Variants in LRBA observed in about 807,000 individuals in gnomAD.
The protein encoded by LRBA is LPS responsive beige-like anchor protein, also known as lipopolysaccharide-responsive and beige-like anchor protein.
LRBA carries 176 observed loss-of-function variants against 330.0 expected under a neutral mutation model. The ratio of observed to expected loss-of-function variants is 0.53; its 90% confidence interval spans 0.47 to 0.60. The LOEUF is 0.60. LRBA is among the 20% of genes least tolerant of loss of function. The pLI is 0.00. For synonymous variants in LRBA, 1,230 were observed against 1,193.0 expected (o/e 1.03, Z -0.64); for missense variants, 3,259 against 3,444.8 (o/e 0.95, Z 1.35).
intron 40 of LRBA, among the ~76,000 whole-genome samples, chr4:150,560,166 GA>G (rs1185616498): frequency 2.0e-5 from 3 of 150,592 alleles, no homozygotes; most frequent in Non-Finnish European, 3.0e-5. Flanking sequence ...AAATGGCTCA[GA>G]AAAAAAGTGG....
chr4:150,623,363 T>G (rs1234341850), intron 37 of LRBA, among the ~76,000 whole-genome samples: 2 of 151,914 alleles, frequency 1.3e-5, no homozygotes, highest in African/African-American at 4.8e-5. Flanking sequence ...CACCTCTAAA[T>G]AAAGAAAAAT....
chr4:150,620,668 A>T (rs1286604646), intron 37 of LRBA, among the ~76,000 whole-genome samples: 2 of 152,216 alleles, frequency 1.3e-5, no homozygotes, highest in Non-Finnish European at 2.9e-5. Flanking sequence ...ACTTGGATGG[A>T]GGTGTAGGCC....
chr4:150,514,143 G>T (rs936422499), intron 40 of LRBA, among the ~76,000 whole-genome samples: 5 of 152,168 alleles, frequency 3.3e-5, no homozygotes, highest in Non-Finnish European at 7.3e-5. Flanking sequence ...CATGATCCTG[G>T]CTCACTGCAA....
In LRBA at chr4:150,277,952, C is replaced by T. The variant is rs779471900; in HGVS notation, c.8369G>A (p.Gly2790Glu). ...CGACACCTGCCGGACCACGACCACTCCTCTGTCTCCTCCTGTGAGCAGGTA... is the reference window on the plus strand; with the variant it reads ...CGACACCTGCCGGACCACGACCACTTCTCTGTCTCCTCCTGTGAGCAGGTA... Reference protein sequence around the residue: ...GQYLLTGGDRGVVVVRQVSDL... With the variant: ...GQYLLTGGDREVVVVRQVSDL... The change falls in exon 56 of 57, where the codon GGA (glycine) becomes GAA (glutamate). Residue 2790 changes from glycine (G) to glutamate (E), a missense_variant. Transcript: ENST00000651943. 6.2e-7 allele frequency: 1 copy of T among 1,614,186 alleles called. No individual in the cohort carries two copies. The highest frequency in any genetic ancestry group is 1.1e-5 in the South Asian group (1 of 91,082).
Position 150,325,910 on chromosome 4 carries a change from A to C in LRBA, c.7363-12T>G. 1.9e-6 allele frequency: 3 copies of C among 1,545,304 alleles called. No homozygotes were observed. Among genetic ancestry groups the C allele is most frequent in the Non-Finnish European group, 2.7e-6 (3 of 1,118,286 alleles). ...TGAGCTTCAACAGCCTGAAAAGGGC[A>C]GGGGCAAGTCTGAAGGTTAAGAGGT... On this transcript the variant is annotated splice_polypyrimidine_tract_variant and intron_variant, in intron 48 of 56. Coordinates refer to ENST00000651943, the MANE Select transcript of LRBA (RefSeq NM_001364905.1).
At chr4:151,009,954 T>C (rs531723599) in intron 2 of LRBA, among the ~76,000 whole-genome samples, 2 of 151,902 alleles carry the variant, frequency 1.3e-5, no homozygotes, top group East Asian at 1.9e-4. Context: ...CACTCCAGCA[T>C]GGGGGACAGA....
Position 150,921,251 on chromosome 4 carries a change from G to C in LRBA, c.592C>G (p.Pro198Ala). Residue 198 changes from proline (P) to alanine (A), a missense_variant, in exon 5 of 57, where the codon CCT (proline) becomes GCT (alanine). Pro to Ala is a conservative substitution (Grantham distance 27, BLOSUM62 -1). Coordinates refer to ENST00000651943, the MANE Select transcript of LRBA (RefSeq NM_001364905.1). ...GKLLSVLKHMPQKYGPDAFFN... is the reference protein window; with the variant it reads ...GKLLSVLKHMAQKYGPDAFFN... Reference sequence around the variant, plus strand: ...AAGGCATCAGGACCATACTTCTGAGGCATATGCTTTAACACAGACAGCAAC... The same window carrying C: ...AAGGCATCAGGACCATACTTCTGAGCCATATGCTTTAACACAGACAGCAAC... The C allele has an allele frequency of 6.2e-7, 1 of 1,613,352 alleles. No individual in the cohort carries two copies. Among genetic ancestry groups the C allele is most frequent in the Non-Finnish European group, 8.5e-7 (1 of 1,179,420 alleles).
At chr4:150,907,943 GA>G (rs1189714930) in intron 11 of LRBA, among the ~76,000 whole-genome samples, 1 of 151,840 alleles carries the variant, frequency 6.6e-6, no homozygotes, top group Non-Finnish European at 1.5e-5. Context: ...ATTAAAATAT[GA>G]AAAGTTAAGT....
intron 52 of LRBA, 40 bp downstream of exon 52, chr4:150,310,189 T>C (rs752521834): frequency 5.0e-6 from 7 of 1,388,140 alleles, no homozygotes; most frequent in Non-Finnish European, 7.2e-6. Flanking sequence ...ATACTACTTA[T>C]AGTAAACTTT....
intron 40 of LRBA, among the ~76,000 whole-genome samples, chr4:150,543,282 G>A (rs1217856175): frequency 2.0e-5 from 3 of 152,124 alleles, no homozygotes; most frequent in African/African-American, 7.2e-5. Context: ...CCAAGAGGGA[G>A]CTTGCACTAG....
At chr4:150,901,181 C>T (rs1404329018) in intron 13 of LRBA, among the ~76,000 whole-genome samples, 1 of 152,080 alleles carries the variant, frequency 6.6e-6, no homozygotes, top group Non-Finnish European at 1.5e-5. Context: ...CACCTGTAGT[C>T]CCAGGTACTC....
At chr4:150,403,913 T>C (rs927100391) in intron 47 of LRBA, among the ~76,000 whole-genome samples, 1 of 152,002 alleles carries the variant, frequency 6.6e-6, no homozygotes, top group African/African-American at 2.4e-5. Context: ...GTGCCTGTAG[T>C]CCCAGCTACT....
chr4:150,498,958 G>A (rs954813087), intron 40 of LRBA, among the ~76,000 whole-genome samples: 8 of 152,034 alleles, frequency 5.3e-5, no homozygotes, highest in Admixed American at 5.2e-4. Flanking sequence ...GCCTTGAGAA[G>A]ATAATCATTA....
chr4:150,652,903 C>G (rs1339950044), intron 37 of LRBA, among the ~76,000 whole-genome samples: 1 of 152,192 alleles, frequency 6.6e-6, no homozygotes, highest in Non-Finnish European at 1.5e-5. Context: ...TAGGTACTGT[C>G]AGCTTTGTCT....
chr4:150,581,369 T>A (rs1236211753), intron 40 of LRBA: 2 of 440,676 alleles, frequency 4.5e-6, no homozygotes, highest in African/African-American at 2.0e-5. Flanking sequence ...ACTGCTCTGA[T>A]TCTTGGCAAC....
At chr4:150,751,660 T>C (rs907958271) in intron 35 of LRBA, among the ~76,000 whole-genome samples, 5 of 152,164 alleles carry the variant, frequency 3.3e-5, no homozygotes, top group Non-Finnish European at 5.9e-5. Flanking sequence ...CATAAAATGA[T>C]TCACATATTT....
chr4:150,690,674 C>T (rs1302186222), intron 36 of LRBA, among the ~76,000 whole-genome samples: 1 of 24,162 alleles, frequency 4.1e-5, no homozygotes, highest in Admixed American at 6.2e-4. Flanking sequence ...TGGCTATCCA[C>T]ATGAGAAAAA....
intron 53 of LRBA, among the ~76,000 whole-genome samples, chr4:150,299,214 A>T (rs1382944462): frequency 6.6e-6 from 1 of 152,082 alleles, no homozygotes; most frequent in Non-Finnish European, 1.5e-5. Flanking sequence ...GAGAGATGCC[A>T]TGCTTTCATG....
intron 44 of LRBA, among the ~76,000 whole-genome samples, chr4:150,462,943 G>A (rs934302478): frequency 6.6e-6 from 1 of 151,876 alleles, no homozygotes; most frequent in Admixed American, 6.6e-5. Flanking sequence ...TCTTGAAAAT[G>A]TGTGTATAAA....
Sources: allele counts gnomAD v4.1 joint callset (sites outside exome capture counted in the v4.1 genomes callset), GRCh38; gene constraint gnomAD v4.1.1; transcripts MANE v1.5; gene names NCBI Gene and HGNC (gene_info 2026-07-23, HGNC 2026-07-21).